The following PRTG variants were observed in gnomAD, a reference collection of about 807,000 sequenced individuals.
PRTG encodes immunoglobulin superfamily, DCC subclass, member 5.
In PRTG, 67 loss-of-function variants were observed where a neutral mutation model predicts 122.5. The observed-to-expected ratio is 0.55, with a 90% CI of 0.45 to 0.67. PRTG has a LOEUF of 0.67. Ranked by LOEUF, PRTG falls within the 30% of genes least tolerant of loss-of-function variation. The pLI, the probability that PRTG is intolerant of heterozygous loss-of-function variation, is 0.00. For synonymous variants in PRTG, 554 were observed against 501.1 expected, an observed-to-expected ratio of 1.11 and a Z score of -1.41; for missense variants, 1,435 against 1,415.4, an observed-to-expected ratio of 1.01 and a Z score of -0.22.
chr15:55,694,764 C>CA (rs2059622910), intron 2 of PRTG, among the ~76,000 whole-genome samples: 1 of 152,086 alleles, frequency 6.6e-6, no homozygotes, highest in South Asian at 2.1e-4. Flanking sequence ...AAATATTTTG[C>CA]ATTTATTTAA....
chr15:55,633,740 T>TCTC (rs1225835835), intron 15 of PRTG, among the ~76,000 whole-genome samples: 1 of 152,212 alleles, frequency 6.6e-6, no homozygotes, highest in Admixed American at 6.5e-5. Flanking sequence ...AAACTGTTTT[T>TCTC]CTCTCTCAGA....
At chr15:55,620,995 C>T (rs1197772862) in intron 18 of PRTG, among the ~76,000 whole-genome samples, 1 of 152,076 alleles carries the variant, frequency 6.6e-6, no homozygotes, top group Non-Finnish European at 1.5e-5. Flanking sequence ...AAATAGTAAG[C>T]ATTAGTACAC....
chr15:55,680,889 A>G (rs571439760), intron 4 of PRTG, among the ~76,000 whole-genome samples: 22 of 152,240 alleles, frequency 1.4e-4, no homozygotes, highest in Non-Finnish European at 2.5e-4. Context: ...ACCCATTAGC[A>G]GTCACTCCCA....
At chr15:55,664,674 C>A (rs1196057398) in intron 11 of PRTG, among the ~76,000 whole-genome samples, 2 of 151,970 alleles carry the variant, frequency 1.3e-5, no homozygotes, top group Non-Finnish European at 2.9e-5. Context: ...GCTACCTCGA[C>A]CTCCTGGACT....
At chr15:55,679,479 GAT>G in intron 6 of PRTG, 34 bp from the exon 7 acceptor site, 1 of 1,532,794 alleles carries the variant, frequency 6.5e-7, no homozygotes, top group South Asian at 1.1e-5. Context: ...ATATTTCTGT[GAT>G]CCTAATAGGA....
chr15:55,737,768 T>TA (rs1464294331), intron 2 of PRTG, among the ~76,000 whole-genome samples: 1 of 151,992 alleles, frequency 6.6e-6, no homozygotes, highest in Non-Finnish European at 1.5e-5. Flanking sequence ...GCCTGTGTGT[T>TA]AAAAATCTAA....
At chr15:55,700,010 T>C (rs969834042) in intron 2 of PRTG, among the ~76,000 whole-genome samples, 9 of 152,144 alleles carry the variant, frequency 5.9e-5, no homozygotes, top group Admixed American at 2.0e-4. Flanking sequence ...TGAAACAAAA[T>C]TGAAGGGCTC....
intron 9 of PRTG, among the ~76,000 whole-genome samples, chr15:55,674,143 T>G (rs971274073): frequency 3.9e-5 from 6 of 152,154 alleles, no homozygotes; most frequent in Non-Finnish European, 8.8e-5. Context: ...CATATGTTGT[T>G]TAATATAAAA....
intron 2 of PRTG, among the ~76,000 whole-genome samples, chr15:55,730,444 T>C (rs940934998): frequency 1.1e-4 from 17 of 151,998 alleles, no homozygotes; most frequent in African/African-American, 3.9e-4. Context: ...TATATATATT[T>C]GAATACAAAA....
Position 55,612,697 on chromosome 15 carries a change from AATATAT to A in PRTG, c.*7309_*7314del, listed in dbSNP as rs59773365. The stretch of plus-strand genomic sequence containing the variant: ...TTCTCTCTTTAACTCTTTAAAAGCC[AATATAT>A]ATATATATATATATATATATATATA... On this transcript the variant is annotated 3_prime_UTR_variant, in exon 20 of 20. Coordinates refer to ENST00000389286, the MANE Select transcript of PRTG (RefSeq NM_173814.6). 267 of 120,316 alleles carry A rather than the reference AATATAT, an allele frequency of 2.2e-3. 2 individuals carry two copies. Among genetic ancestry groups the A allele is most frequent in the African/African-American group, 3.7e-3 (79 of 21,310 alleles). The allele number at this position is 120,316 out of a possible 1,614,324, so 7.5% of individuals were successfully genotyped here.
At chr15:55,646,161 C>A in intron 11 of PRTG, among the ~76,000 whole-genome samples, 1 of 149,748 alleles carries the variant, frequency 6.7e-6, no homozygotes, top group Non-Finnish European at 1.5e-5. Flanking sequence ...CATGCACCAC[C>A]ATGCCCAGCT....
chr15:55,718,169 G>C (rs542141707), intron 2 of PRTG, among the ~76,000 whole-genome samples: 1 of 151,950 alleles, frequency 6.6e-6, no homozygotes, highest in African/African-American at 2.4e-5. Flanking sequence ...ATTTTCTTCC[G>C]CAATGCCACT....
At position 55,722,480 on chromosome 15, in the gene PRTG, T is replaced by C. The variant is rs80163495; in HGVS notation, c.397+17902A>G. Among the ~76,000 whole-genome samples, 1,522 of 152,320 alleles carry C rather than the reference T, an allele frequency of 1.0e-2. 22 individuals are homozygous for C. Among genetic ancestry groups the C allele is most frequent in the South Asian group, 0.017 (82 of 4,826 alleles). ...CCAGTAAGAATTTTAGTGTCTACAA[T>C]GTGCAAAGCATTTTCCTACGTGTTC... On this transcript the variant is annotated intron_variant, in intron 2 of 19. Transcript: ENST00000389286.
chr15:55,653,683 C>T (rs868667834), intron 11 of PRTG, among the ~76,000 whole-genome samples: 1 of 152,110 alleles, frequency 6.6e-6, no homozygotes, highest in African/African-American at 2.4e-5. Flanking sequence ...AGGCTGGTCT[C>T]GAACTCCTGA....
intron 12 of PRTG, among the ~76,000 whole-genome samples, chr15:55,640,647 T>C (rs2141736124): frequency 6.6e-6 from 1 of 152,288 alleles, no homozygotes; most frequent in East Asian, 1.9e-4. Flanking sequence ...TGGTCTTTTG[T>C]ATGCAAAATG....
intron 2 of PRTG, among the ~76,000 whole-genome samples, chr15:55,731,902 TTC>T: frequency 6.6e-6 from 1 of 152,366 alleles, no homozygotes; most frequent in African/African-American, 2.4e-5. Context: ...CGTTAGGTGA[TTC>T]TGTCATGTGA....
intron 11 of PRTG, among the ~76,000 whole-genome samples, chr15:55,644,059 G>C (rs1299405608): frequency 6.6e-6 from 1 of 151,592 alleles, no homozygotes; most frequent in Non-Finnish European, 1.5e-5. Flanking sequence ...GGCTGGTTTT[G>C]AACTCCTAGC....
At chr15:55,666,646 T>C (rs1185394037) in intron 11 of PRTG, among the ~76,000 whole-genome samples, 1 of 152,232 alleles carries the variant, frequency 6.6e-6, no homozygotes, top group African/African-American at 2.4e-5. Flanking sequence ...CTAGTGATCA[T>C]GGTAAATTAC....
In PRTG at chr15:55,740,590, G is replaced by C; in HGVS notation, c.189C>G (p.His63Gln). ...KDPVVLDCQA[H>Q]GEVPIKVTWL... Reference sequence around the variant, plus strand: ...ATGTGACCTTAATAGGAACTTCTCCGTGAGCCTGGCAATCTAAAACGACTG... The same window carrying C: ...ATGTGACCTTAATAGGAACTTCTCCCTGAGCCTGGCAATCTAAAACGACTG... The change falls in exon 2 of 20, where the codon CAC becomes CAG. Residue 63 changes from histidine to glutamine, a missense_variant. By Grantham distance (24) the His-to-Gln change is conservative. Coordinates refer to ENST00000389286, the MANE Select transcript of PRTG (RefSeq NM_173814.6). 1.9e-6 allele frequency: 3 copies of C among 1,613,244 alleles called. No individual in the cohort carries two copies. The highest frequency in any genetic ancestry group is 2.7e-5 in the African/African-American group (2 of 74,960).
Sources: allele counts gnomAD v4.1 joint callset (sites outside exome capture counted in the v4.1 genomes callset), GRCh38; gene constraint gnomAD v4.1.1; transcripts MANE v1.5; gene names NCBI Gene and HGNC (gene_info 2026-07-23, HGNC 2026-07-21).